TRPC3: variants seen among roughly 807,000 people sequenced by gnomAD.
TRPC3 encodes the protein transient receptor potential cation channel subfamily C member 3, also known as short transient receptor potential channel 3.
TRPC3 carries 54 observed loss-of-function variants against 90.9 expected under a neutral mutation model. The ratio of observed to expected loss-of-function variants is 0.59; its 90% CI spans 0.48 to 0.75. The LOEUF is 0.75. Ranked by LOEUF, TRPC3 falls within the 30% of genes least tolerant of loss-of-function variation. The pLI is 0.00. For synonymous variants in TRPC3, 424 were observed against 450.9 expected, an observed-to-expected ratio of 0.94 and a Z score of 0.75; for missense variants, 918 against 1,194.5, an observed-to-expected ratio of 0.77 and a Z score of 3.41.
rs1729656321 is a variant in TRPC3, at chr4:121,925,060, T to C, written c.1134A>G (p.Ser378=). 1.9e-6 allele frequency: 3 copies of C among 1,613,884 alleles called. No homozygotes were observed. The highest frequency in any genetic ancestry group is 1.7e-6 in the Non-Finnish European group (2 of 1,179,938). Residue 378 remains serine, a synonymous_variant, in exon 3 of 12, where the codon TCA becomes TCG. Transcript: ENST00000379645. ...EPLEVHRHKA[S]LSRVKLAIKY... ...TAATGGCAAGTTTGACACGACTTAATGAAGCTTTGTGCCTGTGTACCTCCA... is the reference window on the plus strand; with the variant it reads ...TAATGGCAAGTTTGACACGACTTAACGAAGCTTTGTGCCTGTGTACCTCCA...
chr4:121,913,507 A>G (rs981869686), intron 4 of TRPC3, among the ~76,000 whole-genome samples: 9 of 152,204 alleles, frequency 5.9e-5, no homozygotes, highest in Non-Finnish European at 1.3e-4. Context: ...GCAGGGAAAA[A>G]AGAAGTGGAC....
In TRPC3 at chr4:121,951,916, G is replaced by T. The variant is rs1031745315; in HGVS notation, c.-236C>A. Among the ~76,000 whole-genome samples the T allele has an allele frequency of 6.6e-6, 1 of 152,070 alleles. No homozygotes were observed. Among genetic ancestry groups the T allele is most frequent in the African/African-American group, 2.4e-5 (1 of 41,424 alleles). On this transcript the variant is annotated 5_prime_UTR_variant, in exon 1 of 12. Transcript: ENST00000379645. The surrounding 1 kb of genome is among the most constrained non-coding windows in gnomAD (Gnocchi z 4.4). ...ATCAAACCGTGGGAGCAGCTGCCGC[G>T]GCCGTGGCTGCGACGAGGAAGCCCG...
intron 6 of TRPC3, among the ~76,000 whole-genome samples, chr4:121,909,581 A>G (rs1221703629): frequency 5.9e-5 from 9 of 152,122 alleles, no homozygotes; most frequent in Admixed American, 5.9e-4. Flanking sequence ...ACTGCTCTTC[A>G]TAATATAGAG....
intron 6 of TRPC3, among the ~76,000 whole-genome samples, chr4:121,909,109 G>C (rs1728992199): frequency 6.6e-6 from 1 of 152,108 alleles, no homozygotes; most frequent in Non-Finnish European, 1.5e-5. Context: ...AAATGGTCAA[G>C]ATACCTAAAA....
intron 10 of TRPC3, among the ~76,000 whole-genome samples, chr4:121,888,677 G>A (rs1295287836): frequency 6.6e-6 from 1 of 151,772 alleles, no homozygotes. Flanking sequence ...GATTACAGGC[G>A]TGAGCCACCA....
At position 121,897,761 on chromosome 4, in the gene TRPC3, A is replaced by G. The variant is rs1269582326; in HGVS notation, c.2547+1851T>C. Among the ~76,000 whole-genome samples, 3 of 152,256 alleles carry G rather than the reference A, an allele frequency of 2.0e-5. No homozygotes were observed. The East Asian group carries it at 5.8e-4, about 29-fold the overall frequency. On this transcript the variant is annotated intron_variant, in intron 10 of 11. Coordinates refer to ENST00000379645, the MANE Select transcript of TRPC3 (RefSeq NM_001130698.2). ...CAGTATGGAGGATTTTCCAAGAACT[A>G]CAAATAGAGCTACCATATGATCCAG... is the stretch of plus-strand genomic sequence containing the variant.
chr4:121,945,556 G>GA (rs1157244653), intron 1 of TRPC3, among the ~76,000 whole-genome samples: 4 of 152,142 alleles, frequency 2.6e-5, no homozygotes, highest in Non-Finnish European at 1.5e-5. Flanking sequence ...CAATGCTAGA[G>GA]AACGCCCAGA....
intron 1 of TRPC3, among the ~76,000 whole-genome samples, chr4:121,941,934 T>G (rs2149151473): frequency 6.6e-6 from 1 of 152,282 alleles, no homozygotes; most frequent in Non-Finnish European, 1.5e-5. Flanking sequence ...AACTGTCTAG[T>G]TAGAGAGTAC....
intron 10 of TRPC3, among the ~76,000 whole-genome samples, chr4:121,896,940 GAC>G (rs1192654964): frequency 2.6e-5 from 4 of 151,934 alleles, no homozygotes; most frequent in Non-Finnish European, 5.9e-5. Context: ...GGCATAAAAA[GAC>G]ACATAAACCT....
intron 1 of TRPC3, among the ~76,000 whole-genome samples, chr4:121,942,361 A>G (rs148410487): frequency 4.6e-5 from 7 of 152,288 alleles, no homozygotes; most frequent in African/African-American, 1.7e-4. Context: ...CAGAAGTTCT[A>G]GACCAACTGG....
rs1727739748 is a variant in TRPC3, at chr4:121,875,515, C to T, written c.*4221G>A. Among the ~76,000 whole-genome samples the T allele has an allele frequency of 6.6e-6, 1 of 151,822 alleles. No individual in the cohort carries two copies. The highest frequency in any genetic ancestry group is 6.6e-5 in the Admixed American group (1 of 15,248). The stretch of plus-strand genomic sequence containing the variant: ...TCAAGTTAAATTACCACTGTGTGTC[C>T]TCTTTTTAAAGATGTTTTAGGGTAT... On this transcript the variant is annotated 3_prime_UTR_variant, in exon 12 of 12. Coordinates refer to ENST00000379645, the MANE Select transcript of TRPC3 (RefSeq NM_001130698.2).
At chr4:121,939,923 C>A (rs1306376860) in intron 1 of TRPC3, among the ~76,000 whole-genome samples, 1 of 152,206 alleles carries the variant, frequency 6.6e-6, no homozygotes, top group African/African-American at 2.4e-5. Context: ...TCCCCTCCCC[C>A]AAGGGCCAGA....
chr4:121,928,480 A>G (rs1343311386), intron 2 of TRPC3, among the ~76,000 whole-genome samples: 1 of 152,188 alleles, frequency 6.6e-6, no homozygotes, highest in African/African-American at 2.4e-5. Context: ...AAAAGCAACC[A>G]TCTATGTAAA....
chr4:121,930,441 G>A (rs1399327610), intron 2 of TRPC3, among the ~76,000 whole-genome samples: 4 of 152,226 alleles, frequency 2.6e-5, no homozygotes, highest in Middle Eastern at 3.4e-3. Context: ...GACCCTTTAA[G>A]TCAGAATAAG....
intron 10 of TRPC3, among the ~76,000 whole-genome samples, chr4:121,894,600 G>A (rs1307341867): frequency 9.4e-6 from 1 of 106,846 alleles, no homozygotes; most frequent in Non-Finnish European, 1.7e-5. Flanking sequence ...GTCTCACTCT[G>A]TACCCTAGGC....
intron 3 of TRPC3, among the ~76,000 whole-genome samples, chr4:121,917,995 A>C (rs1297287864): frequency 1.3e-5 from 2 of 152,182 alleles, no homozygotes; most frequent in Non-Finnish European, 2.9e-5. Flanking sequence ...TATCGTTTGA[A>C]TGTGTCTCCT....
intron 3 of TRPC3, among the ~76,000 whole-genome samples, chr4:121,922,583 A>G (rs1177633553): frequency 6.6e-6 from 1 of 152,218 alleles, no homozygotes; most frequent in Non-Finnish European, 1.5e-5. Flanking sequence ...GCAGGAAGAC[A>G]TAAACTCTGC....
In TRPC3 at chr4:121,932,259, C is replaced by G. The variant is rs768889631; in HGVS notation, c.987+12G>C. On this transcript the variant is annotated intron_variant, in intron 2 of 11. Transcript: ENST00000379645. This position sits in a 1 kb window ranked among gnomAD's most constrained non-coding sequence, Gnocchi z 7.7. ...AGCACACAGAGCAGCCGGGGTAGAG[C>G]GCAAAGCTTACCTTGAACTCCTTCT... is the stretch of plus-strand genomic sequence containing the variant. The G allele has an allele frequency of 6.2e-7, 1 of 1,611,424 alleles. No homozygotes were observed. Among genetic ancestry groups the G allele is most frequent in the Admixed American group, 1.7e-5 (1 of 59,964 alleles).
chr4:121,894,217 T>C (rs1482155912), intron 10 of TRPC3, among the ~76,000 whole-genome samples: 1 of 152,064 alleles, frequency 6.6e-6, no homozygotes, highest in Non-Finnish European at 1.5e-5. Flanking sequence ...GAATACAATG[T>C]AACTACCAAA....
Sources: allele counts gnomAD v4.1 joint callset (sites outside exome capture counted in the v4.1 genomes callset), GRCh38; gene constraint gnomAD v4.1.1; non-coding constraint Gnocchi (gnomAD v3.1); transcripts MANE v1.5; gene names NCBI Gene and HGNC (gene_info 2026-07-23, HGNC 2026-07-21).